SLC22A2: variants seen among roughly 807,000 people sequenced by gnomAD.
SLC22A2 encodes solute carrier family 22 member 2.
In SLC22A2, 46 loss-of-function variants were observed where a neutral mutation model predicts 60.5. The ratio of observed to expected loss-of-function variants is 0.76; its 90% CI spans 0.60 to 0.97. SLC22A2 has a LOEUF of 0.97. SLC22A2 is among the 50% of genes least tolerant of loss of function. The pLI is 0.00. For missense variants in SLC22A2, 701 were observed against 706.6 expected, an observed-to-expected ratio of 0.99 and a Z score of 0.09; for synonymous variants, 303 against 267.0, an observed-to-expected ratio of 1.13 and a Z score of -1.31.
At chr6:160,235,221 T>C (rs1444526402) in intron 9 of SLC22A2, among the ~76,000 whole-genome samples, 1 of 152,076 alleles carries the variant, frequency 6.6e-6, no homozygotes, top group Non-Finnish European at 1.5e-5. Context: ...GTTTTTGACT[T>C]GGAGGGTATC....
chr6:160,235,532 G>A lies in SLC22A2; in HGVS notation c.1501+5942C>T, dbSNP rs1197546787. Among the ~76,000 whole-genome samples the A allele has an allele frequency of 3.2e-4, 2 of 6,180 alleles. 1 individual carries two copies. The highest frequency in any genetic ancestry group is 6.9e-4 in the African/African-American group (2 of 2,900). 4.1% of individuals were successfully genotyped at this position (6,180 alleles called of 152,430 possible). A position where few individuals can be genotyped will look rare whatever the true frequency, so the allele number is the denominator to read the frequency against. ...TAAAGGATTGTTTAAAGTTAAATAAGATAAAGCTGAAGGTTTCAACAAGTT... is the reference window on the plus strand; with the variant it reads ...TAAAGGATTGTTTAAAGTTAAATAAAATAAAGCTGAAGGTTTCAACAAGTT... On this transcript the variant is annotated intron_variant, in intron 9 of 10. Transcript: ENST00000366953.
chr6:160,240,392 T>A (rs571890789), intron 9 of SLC22A2, among the ~76,000 whole-genome samples: 1 of 152,304 alleles, frequency 6.6e-6, no homozygotes, highest in East Asian at 1.9e-4. Flanking sequence ...ATTCTGTACA[T>A]TGGGAAATAA....
At chr6:160,241,097 T>C (rs1303129513) in intron 9 of SLC22A2, among the ~76,000 whole-genome samples, 1 of 152,140 alleles carries the variant, frequency 6.6e-6, no homozygotes, top group Non-Finnish European at 1.5e-5. Flanking sequence ...GAGTTAACTC[T>C]TTGACAGAGA....
chr6:160,254,032 C>G (rs1199691307), intron 2 of SLC22A2, among the ~76,000 whole-genome samples: 1 of 152,200 alleles, frequency 6.6e-6, no homozygotes, highest in African/African-American at 2.4e-5. Flanking sequence ...AATCCCAGCA[C>G]TTTGGGAGGT....
intron 2 of SLC22A2, among the ~76,000 whole-genome samples, chr6:160,252,772 G>A (rs535142274): frequency 2.6e-5 from 4 of 152,308 alleles, no homozygotes; most frequent in South Asian, 2.1e-4. Flanking sequence ...AGATCCCCAG[G>A]AGATTTATAT....
At chr6:160,235,210 T>C (rs1455060648) in intron 9 of SLC22A2, among the ~76,000 whole-genome samples, 2 of 152,124 alleles carry the variant, frequency 1.3e-5, no homozygotes, top group Admixed American at 6.5e-5. Flanking sequence ...CATTATCTGA[T>C]GTTTTTGACT....
At chr6:160,231,032 T>G (rs544904131) in intron 9 of SLC22A2, among the ~76,000 whole-genome samples, 1 of 151,874 alleles carries the variant, frequency 6.6e-6, no homozygotes, top group Non-Finnish European at 1.5e-5. Flanking sequence ...GGGTAACTCT[T>G]ATGGTGGAGG....
chr6:160,217,458 G>T lies in SLC22A2; in HGVS notation c.1642C>A (p.Gln548Lys). Residue 548 changes from glutamine to lysine, a missense_variant, in exon 11 of 11, where the codon CAG becomes AAG. Coordinates refer to ENST00000366953, the MANE Select transcript of SLC22A2 (RefSeq NM_003058.4). The part of the protein sequence containing the change: ...NKEKMIYLQV[Q>K]KLDIPLN Reference sequence around the variant, plus strand: ...TAGTTCAATGGAATGTCTAGTTTCTGAACTTGGAGGTAAATCATCTTTTCT... The same window carrying T: ...TAGTTCAATGGAATGTCTAGTTTCTTAACTTGGAGGTAAATCATCTTTTCT... The T allele has an allele frequency of 6.2e-7, 1 of 1,603,190 alleles. No homozygotes were observed. The highest frequency in any genetic ancestry group is 8.5e-7 in the Non-Finnish European group (1 of 1,170,682).
In SLC22A2 at chr6:160,252,537, A is replaced by G. The variant is rs186321312; in HGVS notation, c.519-1835T>C. Among the ~76,000 whole-genome samples the G allele has an allele frequency of 8.9e-4, 136 of 152,358 alleles. 2 individuals carry two copies. The highest frequency in any genetic ancestry group is 8.9e-3 in the Admixed American group (136 of 15,304). ...AGGTCTGAGACTCCTCCTACCCCTC[A>G]GCAGGGCTATTTAAATGGTTAAATG... On this transcript the variant is annotated intron_variant, in intron 2 of 10. Transcript: ENST00000366953.
Position 160,258,243 on chromosome 6 carries a change from G to A in SLC22A2, c.414+101C>T, listed in dbSNP as rs1013993990. On this transcript the variant is annotated intron_variant, in intron 1 of 10. Coordinates refer to ENST00000366953, the MANE Select transcript of SLC22A2 (RefSeq NM_003058.4). ...TAAGATACATGCAGGCCAAAGAGAT[G>A]TCCAGGCAGGGTTTATAAGAGCCGG... 8.3e-6 allele frequency: 11 copies of A among 1,325,512 alleles called. 1 individual carries two copies. In the South Asian group the frequency reaches 1.3e-4, roughly 15 times the overall value. The allele number at this position is 1,325,512 out of a possible 1,614,324, so 82.1% of individuals were successfully genotyped here. A position where few individuals can be genotyped will look rare whatever the true frequency, so the allele number is the denominator to read the frequency against.
chr6:160,249,653 T>A (rs938815484), intron 3 of SLC22A2, among the ~76,000 whole-genome samples: 1 of 152,250 alleles, frequency 6.6e-6, no homozygotes, highest in Non-Finnish European at 1.5e-5. Flanking sequence ...ATTTTCATGA[T>A]GCAATTGTAT....
At position 160,233,286 on chromosome 6, in the gene SLC22A2, A is replaced by G. The variant is rs192459497; in HGVS notation, c.1501+8188T>C. On this transcript the variant is annotated intron_variant, in intron 9 of 10. Transcript: ENST00000366953. ...GGTCATTTCTTCCCTTCTGTCAGAC[A>G]TAATTCCTCGTTTTGGCCTTCCCAC... 9.4e-4 allele frequency among the ~76,000 whole-genome samples: 143 copies of G among 151,942 alleles called. 2 individuals carry two copies. The highest frequency in any genetic ancestry group is 2.8e-4 in the Non-Finnish European group (19 of 68,016).
At position 160,245,506 on chromosome 6, in the gene SLC22A2, G is replaced by A. The variant is rs1334214542; in HGVS notation, c.997C>T (p.Pro333Ser). The A allele has an allele frequency of 6.2e-7, 1 of 1,610,274 alleles. No individual in the cohort carries two copies. The highest frequency in any genetic ancestry group is 2.2e-5 in the East Asian group (1 of 44,806). The change falls in exon 6 of 11, where the codon CCT becomes TCT. Residue 333 changes from proline (P) to serine (S), a missense_variant. By Grantham distance (74) the Pro-to-Ser change is moderately conservative. Transcript: ENST00000366953. ...LEEETGKKLN[P>S]SFLDLVRTPQ... ...GTTCTGACCAAGTCAAGAAATGAAG[G>A]GTTCAATTTCTTGCCAGTTTCCTCT...
At chr6:160,219,324 C>A (rs575090930) in intron 10 of SLC22A2, among the ~76,000 whole-genome samples, 218 of 149,794 alleles carry the variant, frequency 1.5e-3, no homozygotes, top group African/African-American at 4.9e-3. Flanking sequence ...GTAACAATAA[C>A]AACAGCAATA....
chr6:160,254,718 A>G (rs1783240842), intron 2 of SLC22A2, among the ~76,000 whole-genome samples: 1 of 152,286 alleles, frequency 6.6e-6, no homozygotes, highest in Admixed American at 6.5e-5. Context: ...AAGTCGAGGC[A>G]TGGAGACAGC....
intron 9 of SLC22A2, among the ~76,000 whole-genome samples, chr6:160,232,483 A>G (rs1250239357): frequency 6.6e-6 from 1 of 151,510 alleles, no homozygotes; most frequent in Non-Finnish European, 1.5e-5. Context: ...ATTAATACTG[A>G]CTCTAAATAT....
Position 160,242,421 on chromosome 6 carries a change from G to C in SLC22A2, c.1280-19C>G. The C allele has an allele frequency of 8.0e-7, 1 of 1,248,716 alleles. No homozygotes were observed. The highest frequency in any genetic ancestry group is 1.2e-6 in the Non-Finnish European group (1 of 846,496). The allele number at this position is 1,248,716 out of a possible 1,614,324, so 77.4% of individuals were successfully genotyped here. ...TGTAGATCTAAGAGGGAAAAGAACA[G>C]TACTTATCCGTACACAGATGATTCC... On this transcript the variant is annotated intron_variant, in intron 7 of 10. Coordinates refer to ENST00000366953, the MANE Select transcript of SLC22A2 (RefSeq NM_003058.4).
chr6:160,243,216 T>C (rs577174150), intron 7 of SLC22A2, among the ~76,000 whole-genome samples: 1 of 152,286 alleles, frequency 6.6e-6, no homozygotes, highest in East Asian at 1.9e-4. Context: ...TGCAGGTTGA[T>C]GCAGGGAGGT....
At position 160,232,274 on chromosome 6, in the gene SLC22A2, T is replaced by C. The variant is rs190332570; in HGVS notation, c.1502-7470A>G. On this transcript the variant is annotated intron_variant, in intron 9 of 10. Transcript: ENST00000366953. ...TTCCCCATATTTCCTTCTTTCCTGT[T>C]CCTCACCCTGATCACACTTGGTTTA... is the stretch of plus-strand genomic sequence containing the variant. Among the ~76,000 whole-genome samples, 242 of 151,954 alleles carry C rather than the reference T, an allele frequency of 1.6e-3. 5 individuals are homozygous for C. Among genetic ancestry groups the C allele is most frequent in the African/African-American group, 5.1e-3 (212 of 41,262 alleles).
Sources: gnomAD v4.1 joint callset for allele counts (sites outside exome capture counted in the v4.1 genomes callset) on GRCh38, gnomAD v4.1.1 for gene constraint, MANE v1.5 for transcripts, NCBI Gene and HGNC (gene_info 2026-07-23, HGNC 2026-07-21) for gene names.